Variants in MLLT3 observed in about 807,000 individuals in gnomAD.
The protein encoded by MLLT3 is protein AF-9.
A neutral mutation model predicts 53.2 loss-of-function variants in MLLT3; 4 were observed. That is an observed-to-expected ratio of 0.08 (90% confidence interval 0.04 to 0.17). The LOEUF is 0.17. Among genes scored for constraint, MLLT3 ranks in the 10% least tolerant of loss-of-function variants. MLLT3 has a pLI of 1.00. For missense variants in MLLT3, 569 were observed against 684.0 expected (o/e 0.83, Z 1.87); for synonymous variants, 283 against 230.6 (o/e 1.23, Z -2.06).
intron 8 of MLLT3, 132 bp from the exon 9 acceptor site, chr9:20,355,011 T>C (rs1320865094): frequency 1.0e-5 from 5 of 482,518 alleles, no homozygotes; most frequent in East Asian, 3.5e-5. Flanking sequence ...TTCTTTTCTA[T>C]ACATTTTCCT....
intron 2 of MLLT3, among the ~76,000 whole-genome samples, chr9:20,518,293 C>T (rs1436596782): frequency 6.6e-6 from 1 of 152,170 alleles, no homozygotes; most frequent in East Asian, 1.9e-4. Context: ...TTGCAGTGAG[C>T]CAAGATCGCG....
In MLLT3 at chr9:20,620,866, A is replaced by G; in HGVS notation, c.13-32T>C. On this transcript the variant is annotated intron_variant, in intron 1 of 10. Coordinates refer to ENST00000380338, the MANE Select transcript of MLLT3 (RefSeq NM_004529.4). This position sits in a 1 kb window ranked among gnomAD's most constrained non-coding sequence, Gnocchi z 6.1. ...GCAGGGGGAGGAGAGACAGCCGTGAATAACAGGAAGGCGAGGTTTCGGCAG... is the reference window on the plus strand; with the variant it reads ...GCAGGGGGAGGAGAGACAGCCGTGAGTAACAGGAAGGCGAGGTTTCGGCAG... 1 of 1,612,732 alleles carries G rather than the reference A, an allele frequency of 6.2e-7. No homozygotes were observed. The highest frequency in any genetic ancestry group is 8.5e-7 in the Non-Finnish European group (1 of 1,179,170).
At chr9:20,374,800 A>G (rs1174879261) in intron 5 of MLLT3, among the ~76,000 whole-genome samples, 1 of 152,228 alleles carries the variant, frequency 6.6e-6, no homozygotes, top group African/African-American at 2.4e-5. Flanking sequence ...TACCACTAGT[A>G]AGGTGAGTGA....
intron 2 of MLLT3, among the ~76,000 whole-genome samples, chr9:20,575,539 C>A (rs1197076254): frequency 6.6e-6 from 1 of 152,148 alleles, no homozygotes; most frequent in Non-Finnish European, 1.5e-5. Flanking sequence ...CAAAATTACT[C>A]CCTGACCCAC....
intron 4 of MLLT3, among the ~76,000 whole-genome samples, chr9:20,429,667 G>C (rs903624233): frequency 6.6e-6 from 1 of 152,046 alleles, no homozygotes; most frequent in East Asian, 1.9e-4. Context: ...GATTAAAGGA[G>C]AACAAAACCA....
chr9:20,542,929 G>C (rs1218626888), intron 2 of MLLT3, among the ~76,000 whole-genome samples: 1 of 152,238 alleles, frequency 6.6e-6, no homozygotes, highest in Non-Finnish European at 1.5e-5. Context: ...GTCAGCACTT[G>C]CTGCTTCACC....
chr9:20,354,230 G>A (rs1821107325), intron 9 of MLLT3, among the ~76,000 whole-genome samples: 1 of 152,226 alleles, frequency 6.6e-6, no homozygotes, highest in Admixed American at 6.5e-5. Flanking sequence ...CCCTGAAAGG[G>A]GAGAGGGGGT....
chr9:20,369,141 A>G (rs1476040167), intron 5 of MLLT3, among the ~76,000 whole-genome samples: 2 of 152,206 alleles, frequency 1.3e-5, no homozygotes, highest in African/African-American at 4.8e-5. Context: ...TCCAGGGACC[A>G]ACCATGCTGA....
intron 5 of MLLT3, among the ~76,000 whole-genome samples, chr9:20,396,366 T>C (rs1260935818): frequency 6.6e-6 from 1 of 152,166 alleles, no homozygotes. Context: ...TACTTTTTAC[T>C]ACCCTTTGAT....
At chr9:20,421,297 A>AT (rs1823002442) in intron 4 of MLLT3, among the ~76,000 whole-genome samples, 1 of 152,092 alleles carries the variant, frequency 6.6e-6, no homozygotes, top group African/African-American at 2.4e-5. Flanking sequence ...ATTAAAGACA[A>AT]ATAAATCAAA....
chr9:20,465,369 A>G (rs1824209404), intron 2 of MLLT3, among the ~76,000 whole-genome samples: 1 of 152,140 alleles, frequency 6.6e-6, no homozygotes, highest in South Asian at 2.1e-4. Context: ...AATGCACTGT[A>G]TGAGAGTTAC....
intron 2 of MLLT3, among the ~76,000 whole-genome samples, chr9:20,462,590 A>G (rs1232856945): frequency 6.6e-6 from 1 of 152,018 alleles, no homozygotes; most frequent in Non-Finnish European, 1.5e-5. Context: ...ACTCAATAGC[A>G]CCACCTCTGG....
intron 2 of MLLT3, among the ~76,000 whole-genome samples, chr9:20,558,970 G>A (rs919863037): frequency 1.4e-4 from 22 of 152,102 alleles, no homozygotes; most frequent in African/African-American, 5.3e-4. Context: ...TCACCCTGAC[G>A]GCTGCTTGTC....
intron 2 of MLLT3, among the ~76,000 whole-genome samples, chr9:20,468,227 A>G (rs1824284677): frequency 6.6e-6 from 1 of 152,230 alleles, no homozygotes; most frequent in African/African-American, 2.4e-5. Context: ...TGCAAGCCAT[A>G]AATATTAGAG....
chr9:20,618,278 G>A (rs750845029), intron 2 of MLLT3, among the ~76,000 whole-genome samples: 6 of 152,194 alleles, frequency 3.9e-5, no homozygotes, highest in Admixed American at 6.5e-5. Flanking sequence ...ACTGGAAGTA[G>A]ACATACAAAT....
At chr9:20,382,858 T>C (rs1311394596) in intron 5 of MLLT3, among the ~76,000 whole-genome samples, 3 of 151,822 alleles carry the variant, frequency 2.0e-5, no homozygotes, top group Non-Finnish European at 4.4e-5. Flanking sequence ...AGTAAAGAAA[T>C]GACTATGTAA....
intron 2 of MLLT3, among the ~76,000 whole-genome samples, chr9:20,579,364 T>C (rs975842646): frequency 6.6e-6 from 1 of 151,868 alleles, no homozygotes; most frequent in African/African-American, 2.4e-5. Flanking sequence ...CAGAGTAAGA[T>C]TCCATCTCTA....
intron 8 of MLLT3, among the ~76,000 whole-genome samples, chr9:20,356,391 A>G (rs889143792): frequency 5.3e-5 from 8 of 152,134 alleles, no homozygotes; most frequent in African/African-American, 1.9e-4. Context: ...AAAGGAAACC[A>G]AATACTCCAC....
chr9:20,603,875 C>A (rs1436856504), intron 2 of MLLT3, among the ~76,000 whole-genome samples: 1 of 152,056 alleles, frequency 6.6e-6, no homozygotes, highest in Non-Finnish European at 1.5e-5. Context: ...CTTTAAAATA[C>A]TGAAATTTAT....
Sources: gnomAD v4.1 joint callset for allele counts (sites outside exome capture counted in the v4.1 genomes callset) on GRCh38, gnomAD v4.1.1 for gene constraint, Gnocchi (gnomAD v3.1) non-coding constraint, MANE v1.5 for transcripts, NCBI Gene and HGNC (gene_info 2026-07-23, HGNC 2026-07-21) for gene names.